Variants in CAMTA1 observed in about 807,000 individuals in gnomAD.
CAMTA1 encodes the protein calmodulin binding transcription activator 1, also known as calmodulin-binding transcription activator 1.
Under a neutral mutation model 170.9 loss-of-function variants are expected in CAMTA1, and 27 were observed. That is an observed-to-expected ratio of 0.16 (90% confidence interval 0.12 to 0.22). The LOEUF (loss-of-function observed/expected upper bound fraction) is 0.22, where lower values mean the gene tolerates loss of function less well. Ranked by LOEUF, CAMTA1 falls within the 10% of genes least tolerant of loss-of-function variation. The pLI is 1.00. For synonymous variants in CAMTA1, 833 were observed against 891.5 expected (o/e 0.93, Z 1.17); for missense variants, 1,619 against 2,217.2 (o/e 0.73, Z 5.42).
intron 5 of CAMTA1, among the ~76,000 whole-genome samples, chr1:7,317,430 T>C (rs537181735): frequency 1.3e-5 from 2 of 152,314 alleles, no homozygotes; most frequent in South Asian, 2.1e-4. Flanking sequence ...GAAATGATGA[T>C]AGAATCACTG....
intron 3 of CAMTA1, among the ~76,000 whole-genome samples, chr1:7,024,284 G>A (rs1443800869): frequency 2.0e-5 from 3 of 152,096 alleles, no homozygotes; most frequent in East Asian, 3.9e-4. Flanking sequence ...TGGAATTGCA[G>A]GTGGAATAAA....
intron 5 of CAMTA1, among the ~76,000 whole-genome samples, chr1:7,430,816 A>C (rs2092122922): frequency 6.6e-6 from 1 of 152,206 alleles, no homozygotes; most frequent in Admixed American, 6.5e-5. Context: ...AAATCCCTGC[A>C]CTTCCAAGGC....
chr1:7,122,865 A>G (rs774192849), intron 4 of CAMTA1, among the ~76,000 whole-genome samples: 1 of 152,080 alleles, frequency 6.6e-6, no homozygotes, highest in East Asian at 1.9e-4. Context: ...TGTCTTGCAG[A>G]CATCACAGTG....
chr1:6,902,161 A>G (rs975681058), intron 3 of CAMTA1, among the ~76,000 whole-genome samples: 2 of 152,158 alleles, frequency 1.3e-5, no homozygotes, highest in African/African-American at 2.4e-5. Context: ...ACATTTTCTT[A>G]TAAGTCTACA....
At chr1:7,730,187 A>T (rs930584632) in intron 11 of CAMTA1, among the ~76,000 whole-genome samples, 1 of 152,194 alleles carries the variant, frequency 6.6e-6, no homozygotes, top group Non-Finnish European at 1.5e-5. Flanking sequence ...AAACGGAGGC[A>T]TGAAAGGTTT....
chr1:7,334,185 C>T (rs2083207502), intron 5 of CAMTA1, among the ~76,000 whole-genome samples: 1 of 152,144 alleles, frequency 6.6e-6, no homozygotes, highest in Non-Finnish European at 1.5e-5. Context: ...AAGTCTGTCA[C>T]ATGTAATGAG....
At chr1:7,269,260 G>A (rs1188815421) in intron 5 of CAMTA1, among the ~76,000 whole-genome samples, 1 of 152,260 alleles carries the variant, frequency 6.6e-6, no homozygotes, top group Non-Finnish European at 1.5e-5. Context: ...TTCCTTGACA[G>A]ATGTTGGATC....
chr1:6,961,319 G>A (rs957043812), intron 3 of CAMTA1, among the ~76,000 whole-genome samples: 2 of 152,236 alleles, frequency 1.3e-5, no homozygotes, highest in African/African-American at 4.8e-5. Context: ...GGAGGCCAGA[G>A]GGACTGACCT....
In CAMTA1 at chr1:7,160,241, A is replaced by G. The variant is rs570762765; in HGVS notation, c.302+68870A>G. ...TCCAGTCTGGGCAACTCCATCTCAA[A>G]AAAATAAAAGCTGTTATTATTAATG... On this transcript the variant is annotated intron_variant, in intron 4 of 22. Coordinates refer to ENST00000303635, the MANE Select transcript of CAMTA1 (RefSeq NM_015215.4). 1.7e-4 allele frequency among the ~76,000 whole-genome samples: 26 copies of G among 152,196 alleles called. 2 individuals are homozygous for G. In the South Asian group the frequency reaches 5.4e-3, roughly 32 times the overall value.
In CAMTA1 at chr1:7,555,642, G is replaced by C. The variant is rs368380157; in HGVS notation, c.511-84758G>C. ...CAGGAGAAAAGCCCCTGGCTCCCACGGAGCTCCAGGGCCCATGGGTGGCTC... is the reference window on the plus strand; with the variant it reads ...CAGGAGAAAAGCCCCTGGCTCCCACCGAGCTCCAGGGCCCATGGGTGGCTC... On this transcript the variant is annotated intron_variant, in intron 6 of 22. Transcript: ENST00000303635. 1.5e-4 allele frequency among the ~76,000 whole-genome samples: 23 copies of C among 152,222 alleles called. No homozygotes were observed. The East Asian group carries it at 2.5e-3, about 17-fold the overall frequency.
intron 11 of CAMTA1, among the ~76,000 whole-genome samples, chr1:7,707,034 G>A (rs563048742): frequency 1.6e-4 from 24 of 151,500 alleles, no homozygotes; most frequent in African/African-American, 4.1e-4. Context: ...CTACAGGTGC[G>A]CGCCACCATG....
At chr1:7,097,646 C>T (rs1457924723) in intron 4 of CAMTA1, among the ~76,000 whole-genome samples, 2 of 152,214 alleles carry the variant, frequency 1.3e-5, no homozygotes, top group African/African-American at 4.8e-5. Context: ...AATAGAATTG[C>T]AAAAACCATT....
intron 5 of CAMTA1, among the ~76,000 whole-genome samples, chr1:7,323,507 C>CTTTTTTTTTTTTTTTTTTTTTT (rs56382342): frequency 5.5e-5 from 6 of 108,998 alleles, no homozygotes; most frequent in Non-Finnish European, 7.0e-5. Flanking sequence ...CTTTATTCTT[C>CTTTTTTTTTTTTTTTTTTTTTT]TTTTTTTTTT....
At chr1:7,091,265 G>A (rs756093964) in intron 3 of CAMTA1, 39 bp from the exon 4 acceptor site, 1 of 1,453,250 alleles carries the variant, frequency 6.9e-7, no homozygotes, top group South Asian at 1.1e-5. Flanking sequence ...TCCAATGTGA[G>A]CTAATTGTTG....
chr1:6,998,999 G>A (rs530206045), intron 3 of CAMTA1, among the ~76,000 whole-genome samples: 1 of 151,902 alleles, frequency 6.6e-6, no homozygotes, highest in African/African-American at 2.4e-5. Flanking sequence ...TCTCACTTTT[G>A]TGCAGCCATC....
At chr1:7,715,459 G>GTC (rs1009747848) in intron 11 of CAMTA1, among the ~76,000 whole-genome samples, 4 of 150,118 alleles carry the variant, frequency 2.7e-5, no homozygotes, top group South Asian at 2.1e-4. Context: ...TTGAGGCACG[G>GTC]TCTCTCTCTC....
intron 4 of CAMTA1, among the ~76,000 whole-genome samples, chr1:7,237,789 T>C (rs1664155383): frequency 6.6e-6 from 1 of 152,230 alleles, no homozygotes; most frequent in South Asian, 2.1e-4. Flanking sequence ...GGCTACACCT[T>C]ACAATGCACC....
chr1:7,495,864 C>T (rs960117094), intron 6 of CAMTA1, among the ~76,000 whole-genome samples: 6 of 152,252 alleles, frequency 3.9e-5, no homozygotes, highest in African/African-American at 1.4e-4. Context: ...CCAGGCTAAA[C>T]CCGCCCAGGA....
chr1:7,279,350 C>T (rs1671181299), intron 5 of CAMTA1, among the ~76,000 whole-genome samples: 1 of 152,148 alleles, frequency 6.6e-6, no homozygotes. Flanking sequence ...TTCTGTTTCT[C>T]TTCTCCTTAT....
Sources: allele counts gnomAD v4.1 joint callset (sites outside exome capture counted in the v4.1 genomes callset), GRCh38; gene constraint gnomAD v4.1.1; transcripts MANE v1.5; gene names NCBI Gene and HGNC (gene_info 2026-07-23, HGNC 2026-07-21).